Variants in ART3 observed in about 807,000 individuals in gnomAD.
ART3 encodes ecto-ADP-ribosyltransferase 3.
In ART3, 49 loss-of-function variants were observed where a neutral mutation model predicts 48.5. The ratio of observed to expected loss-of-function variants is 1.01; its 90% CI spans 0.80 to 1.28. The LOEUF (loss-of-function observed/expected upper bound fraction) is 1.28. ART3 is among the 50% of genes most tolerant of loss of function. ART3 has a pLI of 0.00. For missense variants in ART3, 438 were observed against 454.3 expected, an observed-to-expected ratio of 0.96 and a Z score of 0.33; for synonymous variants, 145 against 157.2, an observed-to-expected ratio of 0.92 and a Z score of 0.58.
At position 76,060,357 on chromosome 4, in the gene ART3, C is replaced by G. The variant is rs565976981; in HGVS notation, c.-9-15524C>G. 1.4e-3 allele frequency among the ~76,000 whole-genome samples: 208 copies of G among 152,070 alleles called. 3 individuals carry two copies. The East Asian group carries it at 0.034, about 25-fold the overall frequency. On this transcript the variant is annotated intron_variant, in intron 1 of 9. Transcript: ENST00000341029. Reference sequence around the variant, plus strand: ...TCAGTTTGATTTATTTTGGCTGTGACAATCAACTGTTTTCTCTCTCATGAA... The same window carrying G: ...TCAGTTTGATTTATTTTGGCTGTGAGAATCAACTGTTTTCTCTCTCATGAA...
chr4:76,024,380 C>T (rs1269003755), intron 1 of ART3, among the ~76,000 whole-genome samples: 1 of 151,574 alleles, frequency 6.6e-6, no homozygotes, highest in Non-Finnish European at 1.5e-5. Flanking sequence ...GGTTCAGCTC[C>T]AAGACACTGT....
At chr4:76,097,366 G>A (rs1479038780) in intron 3 of ART3, among the ~76,000 whole-genome samples, 1 of 151,492 alleles carries the variant, frequency 6.6e-6, no homozygotes, top group Non-Finnish European at 1.5e-5. Context: ...CACCATGCCT[G>A]GCTAATTTAA....
chr4:76,017,134 A>C (rs1345556641), intron 1 of ART3, among the ~76,000 whole-genome samples: 1 of 152,034 alleles, frequency 6.6e-6, no homozygotes, highest in East Asian at 1.9e-4. Context: ...GCTTTTCTCA[A>C]GCAGAAGGAA....
chr4:76,072,834 C>T (rs1720463182), upstream of ART3, among the ~76,000 whole-genome samples: 1 of 152,026 alleles, frequency 6.6e-6, no homozygotes, highest in South Asian at 2.1e-4. Flanking sequence ...TAGGCATATT[C>T]TTGTCTCAGG....
intron 1 of ART3, among the ~76,000 whole-genome samples, chr4:76,051,927 G>A (rs1364482783): frequency 2.8e-5 from 3 of 108,210 alleles, no homozygotes; most frequent in Non-Finnish European, 3.7e-5. Flanking sequence ...TTTTGAGACA[G>A]AGTTTCGCTC....
chr4:76,106,906 G>A (rs1338335694), intron 10 of ART3, among the ~76,000 whole-genome samples: 1 of 152,124 alleles, frequency 6.6e-6, no homozygotes, highest in Non-Finnish European at 1.5e-5. Flanking sequence ...TGCTCTATCA[G>A]GTTCAACTTG....
chr4:76,059,362 G>GTTTTTTTTTT (rs71657397), intron 1 of ART3, among the ~76,000 whole-genome samples: 2 of 141,070 alleles, frequency 1.4e-5, no homozygotes, highest in Admixed American at 7.1e-5. Context: ...ATTTTCTCTT[G>GTTTTTTTTTT]TTTTTTTTTC....
chr4:76,051,981 T>G (rs1006849490), intron 1 of ART3, among the ~76,000 whole-genome samples: 2 of 144,456 alleles, frequency 1.4e-5, no homozygotes, highest in Non-Finnish European at 3.0e-5. Context: ...CAATCTCAGC[T>G]CACTGCAACC....
At chr4:76,070,224 G>A (rs909093872), upstream of ART3, among the ~76,000 whole-genome samples, 2 of 151,758 alleles carry the variant, frequency 1.3e-5, no homozygotes, top group Non-Finnish European at 2.9e-5. Context: ...GAATTACGGG[G>A]TCATATGGTA....
intron 11 of ART3, 105 bp from the exon 12 acceptor site, chr4:76,112,281 C>G: frequency 7.2e-7 from 1 of 1,380,090 alleles, no homozygotes; most frequent in Non-Finnish European, 9.7e-7. Context: ...TAAGTTTCTA[C>G]TTCAACTTTA....
intron 1 of ART3, among the ~76,000 whole-genome samples, chr4:76,043,094 C>G (rs1415137441): frequency 6.6e-6 from 1 of 151,970 alleles, no homozygotes; most frequent in Non-Finnish European, 1.5e-5. Context: ...AAACCCTGAG[C>G]TAGACACAGG....
chr4:76,067,719 C>T (rs891509658), intron 1 of ART3, among the ~76,000 whole-genome samples: 1 of 152,214 alleles, frequency 6.6e-6, no homozygotes, highest in African/African-American at 2.4e-5. Flanking sequence ...AACACTTAAT[C>T]TTGTCAATTA....
chr4:76,105,711 ATTTC>A (rs1392101016), intron 10 of ART3: 1 of 985,264 alleles, frequency 1.0e-6, no homozygotes, highest in Non-Finnish European at 1.2e-6. Context: ...AGTGTTGAGA[ATTTC>A]TTTCAGTGTG....
intron 1 of ART3, chr4:76,035,864 GA>G: frequency 2.8e-6 from 4 of 1,420,394 alleles, no homozygotes; most frequent in Non-Finnish European, 3.9e-6. Flanking sequence ...AAAAGTGGAA[GA>G]AAAGACATTT....
chr4:76,070,748 C>T (rs1015953513), upstream of ART3, among the ~76,000 whole-genome samples: 1 of 152,158 alleles, frequency 6.6e-6, no homozygotes, highest in Admixed American at 6.6e-5. Flanking sequence ...CTTCAAGTCT[C>T]TGTCACTTAA....
chr4:76,111,365 C>T (rs996393635), intron 11 of ART3, among the ~76,000 whole-genome samples: 3 of 152,128 alleles, frequency 2.0e-5, no homozygotes, highest in Non-Finnish European at 4.4e-5. Context: ...AGTTGAATTG[C>T]TTGATATATA....
intron 1 of ART3, among the ~76,000 whole-genome samples, chr4:76,039,052 T>G (rs7665152): frequency 0.61 from 92,678 of 151,638 alleles, 29,379 homozygotes; most frequent in East Asian, 0.94. Context: ...ACAAGTTACC[T>G]CAACTTTTTG....
chr4:76,053,309 T>C (rs1434616203), intron 1 of ART3, among the ~76,000 whole-genome samples: 1 of 152,198 alleles, frequency 6.6e-6, no homozygotes, highest in Non-Finnish European at 1.5e-5. Flanking sequence ...CCTGATTTAT[T>C]AACTACAGCT....
rs1469736502 is a variant in ART3, at chr4:76,045,468, A to G, written c.-9-30413A>G. On this transcript the variant is annotated intron_variant, in intron 1 of 9. Coordinates refer to the ART3 transcript ENST00000341029. ...GAGATCCTTTCCTTGTATTATTTTG[A>G]TAGCCTCTGACGCTAAGACAGCCGC... Among the ~76,000 whole-genome samples the G allele has an allele frequency of 1.3e-5, 2 of 151,906 alleles. 1 individual carries two copies. The highest frequency in any genetic ancestry group is 2.9e-5 in the Non-Finnish European group (2 of 67,924).
Sources: allele counts gnomAD v4.1 joint callset (sites outside exome capture counted in the v4.1 genomes callset), GRCh38; gene constraint gnomAD v4.1.1; transcripts MANE v1.5; gene names NCBI Gene and HGNC (gene_info 2026-07-23, HGNC 2026-07-21).